TBC1D22A: variants seen among roughly 807,000 people sequenced by gnomAD.
TBC1D22A encodes putative GTPase activator.
A neutral mutation model predicts 60.2 loss-of-function variants in TBC1D22A; 38 were observed. That is an observed-to-expected ratio of 0.63 (90% CI 0.49 to 0.83). The LOEUF is 0.83. TBC1D22A is among the 40% of genes least tolerant of loss of function. TBC1D22A has a pLI of 0.00. For synonymous variants in TBC1D22A, 302 were observed against 281.7 expected (o/e 1.07, Z -0.72); for missense variants, 628 against 701.0 (o/e 0.90, Z 1.18).
chr22:46,850,259 C>G (rs2087209973), intron 4 of TBC1D22A, among the ~76,000 whole-genome samples: 1 of 152,126 alleles, frequency 6.6e-6, no homozygotes, highest in East Asian at 1.9e-4. Context: ...GTTGTGGGTG[C>G]CTTTGAGGTA....
chr22:46,808,123 C>T (rs1466114514), intron 4 of TBC1D22A, among the ~76,000 whole-genome samples: 5 of 152,084 alleles, frequency 3.3e-5, no homozygotes, highest in Non-Finnish European at 4.4e-5. Flanking sequence ...TTTGGGAGGC[C>T]GAGGCGGGTG....
intron 12 of TBC1D22A, among the ~76,000 whole-genome samples, chr22:47,126,882 G>A (rs2066477890): frequency 6.6e-6 from 1 of 152,240 alleles, no homozygotes; most frequent in South Asian, 2.1e-4. Context: ...CCAGAAAGGG[G>A]AGATGGCAGC....
At chr22:46,859,109 A>G (rs1193776566) in intron 4 of TBC1D22A, among the ~76,000 whole-genome samples, 1 of 138,686 alleles carries the variant, frequency 7.2e-6, no homozygotes, top group African/African-American at 2.9e-5. Flanking sequence ...TCCCGGGACC[A>G]GAATCCTTTT....
At chr22:46,927,688 C>G (rs1486735106) in intron 8 of TBC1D22A, among the ~76,000 whole-genome samples, 1 of 152,032 alleles carries the variant, frequency 6.6e-6, no homozygotes, top group Non-Finnish European at 1.5e-5. Context: ...TAGAAAATCC[C>G]CAAGGAATCC....
chr22:47,128,062 C>T (rs1199444659), intron 12 of TBC1D22A, among the ~76,000 whole-genome samples: 1 of 59,392 alleles, frequency 1.7e-5, no homozygotes, highest in Non-Finnish European at 3.3e-5. Context: ...AACCCATCCC[C>T]CCTCCCCTCA....
rs2069809469 is a variant in TBC1D22A at position 46,910,179 on chromosome 22, C to T, written c.901-1895C>T. On this transcript the variant is annotated intron_variant, in intron 7 of 12. Coordinates refer to ENST00000337137, the MANE Select transcript of TBC1D22A (RefSeq NM_014346.5). ...TCATTCCACCCGCGTCTCTCAGGTGCCTGCTGTGTTAGGTGGTGGCTCTGT... is the reference window on the plus strand; with the variant it reads ...TCATTCCACCCGCGTCTCTCAGGTGTCTGCTGTGTTAGGTGGTGGCTCTGT... 3.3e-5 allele frequency among the ~76,000 whole-genome samples: 5 copies of T among 152,180 alleles called. No individual in the cohort carries two copies. In the South Asian group the frequency reaches 1.0e-3, roughly 32 times the overall value.
At chr22:46,956,802 C>T (rs555414932) in intron 8 of TBC1D22A, among the ~76,000 whole-genome samples, 2 of 152,322 alleles carry the variant, frequency 1.3e-5, no homozygotes, top group East Asian at 1.9e-4. Context: ...TGAGGCACTT[C>T]CTCTGTCTTT....
At chr22:46,768,314 G>C (rs186010162) in intron 1 of TBC1D22A, 2 of 152,006 alleles carry the variant, frequency 1.3e-5, no homozygotes, top group Non-Finnish European at 2.9e-5. Flanking sequence ...GTGAAACCCC[G>C]TCTCTACTAA....
At chr22:46,826,604 A>C (rs2086077509) in intron 4 of TBC1D22A, among the ~76,000 whole-genome samples, 1 of 151,956 alleles carries the variant, frequency 6.6e-6, no homozygotes, top group Admixed American at 6.5e-5. Flanking sequence ...GGTGGATGGG[A>C]TGCAGGTGGA....
intron 5 of TBC1D22A, among the ~76,000 whole-genome samples, chr22:46,882,940 C>T (rs1277018130): frequency 3.3e-5 from 5 of 152,128 alleles, no homozygotes; most frequent in African/African-American, 7.2e-5. Flanking sequence ...TGAAGAAGGA[C>T]GAGAAACATG....
intron 11 of TBC1D22A, among the ~76,000 whole-genome samples, chr22:47,108,886 G>A (rs544771525): frequency 2.6e-5 from 4 of 152,158 alleles, no homozygotes; most frequent in African/African-American, 7.2e-5. Flanking sequence ...TAGTAGAGTC[G>A]GGGTTTCACC....
chr22:47,132,543 C>G (rs182225911), intron 12 of TBC1D22A, among the ~76,000 whole-genome samples: 1 of 152,216 alleles, frequency 6.6e-6, no homozygotes, highest in Non-Finnish European at 1.5e-5. Context: ...GCCTGCAACC[C>G]AAACTGACTC....
In TBC1D22A at chr22:46,975,890, G is replaced by A. The variant is rs1166644252; in HGVS notation, c.1125+1491G>A. Among the ~76,000 whole-genome samples the A allele has an allele frequency of 6.6e-5, 10 of 152,156 alleles. No individual in the cohort carries two copies. In the East Asian group the frequency reaches 7.7e-4, roughly 12 times the overall value. ...TGTGCGGTTGGAGAATGGAAACCTC[G>A]TATCTATTGGCTGGTCCAGACTCCT... On this transcript the variant is annotated intron_variant, in intron 9 of 12. Transcript: ENST00000337137.
intron 4 of TBC1D22A, among the ~76,000 whole-genome samples, chr22:46,847,321 A>C (rs1030570239): frequency 6.6e-6 from 1 of 152,212 alleles, no homozygotes; most frequent in Admixed American, 6.5e-5. Context: ...AGGCCAGAAT[A>C]CACCTTTTCG....
At chr22:46,832,088 T>C (rs2086333627) in intron 4 of TBC1D22A, among the ~76,000 whole-genome samples, 1 of 152,196 alleles carries the variant, frequency 6.6e-6, no homozygotes, top group South Asian at 2.1e-4. Flanking sequence ...GGCTTCATGT[T>C]CTGGAAAATG....
rs1015012016 is a variant in TBC1D22A at position 47,042,616 on chromosome 22, G to A, written c.1329+5418G>A. On this transcript the variant is annotated intron_variant, in intron 11 of 12. Coordinates refer to ENST00000337137, the MANE Select transcript of TBC1D22A (RefSeq NM_014346.5). ...AGCCCCACATTCCAGGACACCAGTCGTGCCAGCCAGGGGCATGGGGCAGAG... is the reference window on the plus strand; with the variant it reads ...AGCCCCACATTCCAGGACACCAGTCATGCCAGCCAGGGGCATGGGGCAGAG... Among the ~76,000 whole-genome samples, 28 of 152,270 alleles carry A rather than the reference G, an allele frequency of 1.8e-4. 1 individual carries two copies. The East Asian group carries it at 4.2e-3, about 23-fold the overall frequency.
At chr22:47,081,650 A>G (rs746004885) in intron 11 of TBC1D22A, among the ~76,000 whole-genome samples, 2 of 152,390 alleles carry the variant, frequency 1.3e-5, no homozygotes, top group Admixed American at 6.5e-5. Context: ...GTATTTCTGT[A>G]TATTAGCAAT....
intron 12 of TBC1D22A, among the ~76,000 whole-genome samples, chr22:47,124,139 G>C (rs1023609909): frequency 2.0e-5 from 3 of 152,228 alleles, no homozygotes; most frequent in African/African-American, 4.8e-5. Context: ...TCTTGGGTCA[G>C]CGGGGGAGGG....
At chr22:47,056,898 G>A (rs1229930135) in intron 11 of TBC1D22A, among the ~76,000 whole-genome samples, 1 of 152,340 alleles carries the variant, frequency 6.6e-6, no homozygotes, top group Admixed American at 6.5e-5. Context: ...CTGGAGCAGA[G>A]GAGATGCAGG....
Sources: gnomAD v4.1 joint callset for allele counts (sites outside exome capture counted in the v4.1 genomes callset) on GRCh38, gnomAD v4.1.1 for gene constraint, MANE v1.5 for transcripts, NCBI Gene and HGNC (gene_info 2026-07-23, HGNC 2026-07-21) for gene names.